MYO10: variants seen among roughly 807,000 people sequenced by gnomAD.
The protein encoded by MYO10 is unconventional myosin-X.
MYO10 carries 133 observed loss-of-function variants against 257.3 expected under a neutral mutation model. That is an observed-to-expected ratio of 0.52 (90% CI 0.45 to 0.60). The LOEUF (loss-of-function observed/expected upper bound fraction) is 0.60. Ranked by LOEUF, MYO10 falls within the 20% of genes least tolerant of loss-of-function variation. MYO10 has a pLI of 0.00. For synonymous variants in MYO10, 1,104 were observed against 1,028.6 expected (o/e 1.07, Z -1.40); for missense variants, 2,399 against 2,635.7 (o/e 0.91, Z 1.97).
intron 2 of MYO10, among the ~76,000 whole-genome samples, chr5:16,820,682 G>C (rs1742772625): frequency 6.6e-6 from 1 of 152,092 alleles, no homozygotes; most frequent in South Asian, 2.1e-4. Context: ...TAGGTATACT[G>C]AGAAATCCAG....
At chr5:16,922,315 G>A (rs1746010927) in intron 1 of MYO10, among the ~76,000 whole-genome samples, 1 of 152,124 alleles carries the variant, frequency 6.6e-6, no homozygotes, top group African/African-American at 2.4e-5. Flanking sequence ...CCAGAGGGCT[G>A]CACACCTTGG....
chr5:16,775,559 G>C (rs578013145), intron 9 of MYO10, among the ~76,000 whole-genome samples: 55 of 152,176 alleles, frequency 3.6e-4, no homozygotes, highest in South Asian at 1.7e-3. Flanking sequence ...AGGTAGCTAG[G>C]ACTACAGGTA....
intron 19 of MYO10, among the ~76,000 whole-genome samples, chr5:16,741,263 T>C (rs1560959359): frequency 6.6e-6 from 1 of 152,226 alleles, no homozygotes; most frequent in Non-Finnish European, 1.5e-5. Flanking sequence ...TGTATGCTTG[T>C]GTGAAACAAG....
chr5:16,748,574 G>A (rs1399781009), intron 19 of MYO10, among the ~76,000 whole-genome samples: 10 of 125,912 alleles, frequency 7.9e-5, no homozygotes, highest in Admixed American at 8.5e-5. Flanking sequence ...AATAAAGAAA[G>A]GAAATGAAGA....
chr5:16,773,133 TATC>T (rs1741104009), intron 9 of MYO10, among the ~76,000 whole-genome samples: 1 of 152,224 alleles, frequency 6.6e-6, no homozygotes, highest in African/African-American at 2.4e-5. Context: ...GTGGGAAGGC[TATC>T]ATTTCATGCA....
Position 16,860,562 on chromosome 5 carries a change from C to T in MYO10, c.120+17047G>A, listed in dbSNP as rs140142421. On this transcript the variant is annotated intron_variant, in intron 2 of 40. Coordinates refer to ENST00000513610, the MANE Select transcript of MYO10 (RefSeq NM_012334.3). ...GTTATGAAGCAGCTGGTCAGAGAAA[C>T]GCACTTGCAGAGACACTCCGTTAGT... is the stretch of plus-strand genomic sequence containing the variant. 8.0e-3 allele frequency among the ~76,000 whole-genome samples: 1,212 copies of T among 152,236 alleles called. 23 individuals carry two copies. The highest frequency in any genetic ancestry group is 0.027 in the African/African-American group (1,139 of 41,536).
chr5:16,817,388 G>A (rs1030005216), intron 3 of MYO10, among the ~76,000 whole-genome samples: 3 of 152,080 alleles, frequency 2.0e-5, no homozygotes, highest in South Asian at 2.1e-4. Flanking sequence ...GTACTTTCAC[G>A]TCAAAAATTT....
rs780411681 is a variant in MYO10 at position 16,783,469 on chromosome 5, A to G, written c.468T>C (p.Ser156=). 1.9e-6 allele frequency: 3 copies of G among 1,606,862 alleles called. No homozygotes were observed. The African/African-American group carries it at 4.0e-5, about 21-fold the overall frequency. The stretch of plus-strand genomic sequence containing the variant: ...CGGTTTTACCTGCCCCACTTTCACC[A>G]CTGAAAGACAAAACGGAAAAGTTTG... The part of the protein sequence containing the change: ...KRHDNQCILI[S]GESGAGKTES... Residue 156 remains serine, a splice_region_variant and synonymous_variant, in exon 5 of 41, where the codon AGT becomes AGC. Transcript: ENST00000513610.
At chr5:16,899,997 CAAAAAAAAAAA>C (rs60443560) in intron 1 of MYO10, among the ~76,000 whole-genome samples, 5 of 88,284 alleles carry the variant, frequency 5.7e-5, no homozygotes, top group Non-Finnish European at 8.2e-5. Context: ...GATGCTGTCT[CAAAAAAAAAAA>C]AAAAAAAAAA....
Position 16,663,186 on chromosome 5 carries a change from ATG to A in MYO10, c.*3504_*3505del, listed in dbSNP as rs373693521. 3.9e-3 allele frequency: 599 copies of A among 152,246 alleles called. 3 individuals carry two copies. Among genetic ancestry groups the A allele is most frequent in the African/African-American group, 0.014 (568 of 41,542 alleles). The allele number at this position is 152,246 out of a possible 1,614,324, so 9.4% of individuals were successfully genotyped here. Reference sequence around the variant, plus strand: ...ATTAAAAATGAGGATGGGGATATATATGTATGTATGAGTAAATGATTGGACAG... The same window carrying A: ...ATTAAAAATGAGGATGGGGATATATATATGTATGAGTAAATGATTGGACAG... On this transcript the variant is annotated 3_prime_UTR_variant, in exon 41 of 41. Transcript: ENST00000513610.
chr5:16,826,593 C>T (rs900373745), intron 2 of MYO10, among the ~76,000 whole-genome samples: 3 of 152,174 alleles, frequency 2.0e-5, no homozygotes, highest in Non-Finnish European at 2.9e-5. Flanking sequence ...GAGGAAGGAG[C>T]GGGCAAAGGG....
chr5:16,826,572 C>T (rs1476557053), intron 2 of MYO10, among the ~76,000 whole-genome samples: 1 of 152,192 alleles, frequency 6.6e-6, no homozygotes, highest in East Asian at 1.9e-4. Context: ...TCCGGAACAG[C>T]TCCTGTGCGG....
In MYO10 at chr5:16,665,429, C is replaced by G. The variant is rs1034862526; in HGVS notation, c.*1263G>C. ...ACTTAGTTGGCCCAAGTCCTTAAAA[C>G]TTTTCCATATAAAAATAAAAAGTCC... is the stretch of plus-strand genomic sequence containing the variant. On this transcript the variant is annotated 3_prime_UTR_variant, in exon 41 of 41. Coordinates refer to ENST00000513610, the MANE Select transcript of MYO10 (RefSeq NM_012334.3). The G allele has an allele frequency of 2.0e-5, 3 of 152,166 alleles. No individual in the cohort carries two copies. The highest frequency in any genetic ancestry group is 7.2e-5 in the African/African-American group (3 of 41,438). 9.4% of individuals were successfully genotyped at this position (152,166 alleles called of 1,614,324 possible).
intron 2 of MYO10, among the ~76,000 whole-genome samples, chr5:16,825,293 G>T (rs1742968399): frequency 6.6e-6 from 1 of 152,096 alleles, no homozygotes; most frequent in South Asian, 2.1e-4. Context: ...TCTATCACGT[G>T]TGTGTCCTCA....
chr5:16,719,022 C>T (rs970706729), intron 19 of MYO10, among the ~76,000 whole-genome samples: 1 of 151,924 alleles, frequency 6.6e-6, no homozygotes, highest in South Asian at 2.1e-4. Flanking sequence ...CATTAGCAAC[C>T]CGCTCGGGTC....
chr5:16,700,493 ATGGT>A, intron 25 of MYO10, among the ~76,000 whole-genome samples: 1 of 152,322 alleles, frequency 6.6e-6, no homozygotes, highest in South Asian at 2.1e-4. Context: ...CCTGGCCAAC[ATGGT>A]AAAACCCCAT....
intron 18 of MYO10, among the ~76,000 whole-genome samples, chr5:16,756,671 G>A (rs1371366789): frequency 1.3e-5 from 2 of 152,114 alleles, no homozygotes; most frequent in Admixed American, 1.3e-4. Context: ...GTGTTCTACT[G>A]TCTGTTGACA....
chr5:16,919,416 C>T (rs1195647781), intron 1 of MYO10, among the ~76,000 whole-genome samples: 1 of 152,074 alleles, frequency 6.6e-6, no homozygotes, highest in Non-Finnish European at 1.5e-5. Flanking sequence ...TCTACCAGAA[C>T]AACTGCCTTC....
intron 3 of MYO10, among the ~76,000 whole-genome samples, chr5:16,800,340 C>T (rs528628029): frequency 6.6e-6 from 1 of 152,182 alleles, no homozygotes; most frequent in Non-Finnish European, 1.5e-5. Context: ...GGAGAACTGC[C>T]TGAGCCAAGG....
Sources: allele counts gnomAD v4.1 joint callset (sites outside exome capture counted in the v4.1 genomes callset), GRCh38; gene constraint gnomAD v4.1.1; transcripts MANE v1.5; gene names NCBI Gene and HGNC (gene_info 2026-07-23, HGNC 2026-07-21).